Variants in NRXN2 observed in about 807,000 individuals in gnomAD.
NRXN2 encodes the protein neurexin 2.
Under a neutral mutation model 128.8 loss-of-function variants are expected in NRXN2, and 29 were observed. The observed-to-expected ratio is 0.23, with a 90% CI of 0.17 to 0.31. The LOEUF (loss-of-function observed/expected upper bound fraction) is 0.31, where lower values mean the gene tolerates loss of function less well. NRXN2 is among the 10% of genes least tolerant of loss of function. The pLI is 1.00. For missense variants in NRXN2, 1,881 were observed against 2,452.6 expected (o/e 0.77, Z 4.92); for synonymous variants, 1,098 against 1,075.2 (o/e 1.02, Z -0.41).
rs2047415142 is a variant in NRXN2 at position 64,651,194 on chromosome 11, T to C, written c.2918+61A>G. 1.9e-6 allele frequency: 3 copies of C among 1,606,104 alleles called. No individual in the cohort carries two copies. Among genetic ancestry groups the C allele is most frequent in the Admixed American group, 1.7e-5 (1 of 59,986 alleles). ...TCGGCCAGTAGCCAGGAGAGCTGTA[T>C]GTGGTTCAGCAGGGGGAGGGGGCCA... On this transcript the variant is annotated intron_variant, in intron 14 of 22. Transcript: ENST00000265459. This position sits in a 1 kb window ranked among gnomAD's most constrained non-coding sequence, Gnocchi z 5.9.
At position 64,714,159 on chromosome 11, in the gene NRXN2, T is replaced by C. The variant is rs998218980; in HGVS notation, c.-244-216A>G. Among the ~76,000 whole-genome samples the C allele has an allele frequency of 6.6e-6, 1 of 151,970 alleles. No individual in the cohort carries two copies. Among genetic ancestry groups the C allele is most frequent in the African/African-American group, 2.4e-5 (1 of 41,376 alleles). ...GAGATGGCACGCACTAGGGGCAGCA[T>C]TGGTTTGAGATGTGGACAGGGAGAG... On this transcript the variant is annotated intron_variant, in intron 1 of 22. Coordinates refer to ENST00000265459, the MANE Select transcript of NRXN2 (RefSeq NM_015080.4). The surrounding 1 kb of genome is among the most constrained non-coding windows in gnomAD (Gnocchi z 4.5).
intron 1 of NRXN2, among the ~76,000 whole-genome samples, chr11:64,717,411 A>T (rs1175984860): frequency 6.6e-6 from 1 of 152,140 alleles, no homozygotes; most frequent in African/African-American, 2.4e-5. Flanking sequence ...TTCTGTACCC[A>T]GTCAGCTCCC....
Position 64,702,128 on chromosome 11 carries a change from T to TG in NRXN2, c.731-4337dup, listed in dbSNP as rs1455181137. ...GCCAGCCGCCCGTCCGGGAGGTAGG[T>TG]GGGGGGGTCAGCCCCCCACCCGGCC... On this transcript the variant is annotated intron_variant, in intron 2 of 22. Transcript: ENST00000265459. 6.8e-5 allele frequency among the ~76,000 whole-genome samples: 7 copies of TG among 103,546 alleles called. No homozygotes were observed. In the South Asian group the frequency reaches 1.5e-3, roughly 22 times the overall value. The allele number at this position is 103,546 out of a possible 152,430, so 67.9% of individuals were successfully genotyped here. A position where few individuals can be genotyped will look rare whatever the true frequency, so the allele number is the denominator to read the frequency against.
At position 64,622,050 on chromosome 11, in the gene NRXN2, AG is replaced by A. The variant is rs2042425260; in HGVS notation, c.4173+702del. 6.6e-6 allele frequency among the ~76,000 whole-genome samples: 1 copy of A among 152,212 alleles called. No individual in the cohort carries two copies. Among genetic ancestry groups the A allele is most frequent in the Non-Finnish European group, 1.5e-5 (1 of 68,030 alleles). On this transcript the variant is annotated intron_variant, in intron 21 of 22. Coordinates refer to ENST00000265459, the MANE Select transcript of NRXN2 (RefSeq NM_015080.4). The surrounding 1 kb of genome is among the most constrained non-coding windows in gnomAD (Gnocchi z 4.3). Reference sequence around the variant, plus strand: ...GGGACTAGGCTAGCTGGGGCCATCCAGATCAGCAGGTGGGGTGAGCACCAGG... The same window carrying A: ...GGGACTAGGCTAGCTGGGGCCATCCAATCAGCAGGTGGGGTGAGCACCAGG...
At chr11:64,680,155 C>T (rs1206568079) in intron 6 of NRXN2, among the ~76,000 whole-genome samples, 2 of 152,136 alleles carry the variant, frequency 1.3e-5, no homozygotes, top group East Asian at 1.9e-4. Flanking sequence ...AGGAATTCAC[C>T]AGGCAGAAAG....
intron 2 of NRXN2, among the ~76,000 whole-genome samples, chr11:64,709,714 C>T (rs1314715112): frequency 1.3e-5 from 2 of 152,084 alleles, no homozygotes; most frequent in African/African-American, 4.8e-5. Context: ...ATCAAACACC[C>T]ACTAAGTGCC....
intron 20 of NRXN2, among the ~76,000 whole-genome samples, chr11:64,624,860 G>A (rs1803889919): frequency 1.3e-5 from 2 of 152,134 alleles, no homozygotes; most frequent in African/African-American, 4.8e-5. Flanking sequence ...ATAGTCAGGC[G>A]CTAACAATAA....
intron 5 of NRXN2, among the ~76,000 whole-genome samples, chr11:64,689,683 A>G (rs1180458418): frequency 3.9e-5 from 6 of 152,174 alleles, no homozygotes; most frequent in Non-Finnish European, 7.3e-5. Context: ...AAAGTGTGGA[A>G]GTGACCAGGT....
intron 5 of NRXN2, chr11:64,688,240 G>T (rs768359339): frequency 7.2e-6 from 7 of 966,826 alleles, no homozygotes; most frequent in Non-Finnish European, 8.6e-6. Flanking sequence ...GGGGTGGGTG[G>T]CAAAGCTAGC....
Position 64,660,244 on chromosome 11 carries a change from GCCA to G in NRXN2, c.2389+85_2389+87del. On this transcript the variant is annotated intron_variant, in intron 11 of 22. Coordinates refer to ENST00000265459, the MANE Select transcript of NRXN2 (RefSeq NM_015080.4). The surrounding 1 kb of genome is among the most constrained non-coding windows in gnomAD (Gnocchi z 5.2). ...TCTGCTGAGGGCACCTCTTGCTGGT[GCCA>G]CCACCAGCTTCTCCAGACAGAGGCA... 1.4e-6 allele frequency: 2 copies of G among 1,462,772 alleles called. No individual in the cohort carries two copies. The highest frequency in any genetic ancestry group is 2.3e-5 in the South Asian group (2 of 87,650). The allele number at this position is 1,462,772 out of a possible 1,614,324, so 90.6% of individuals were successfully genotyped here.
At chr11:64,629,754 T>C (rs1267028969) in intron 19 of NRXN2, among the ~76,000 whole-genome samples, 1 of 152,200 alleles carries the variant, frequency 6.6e-6, no homozygotes, top group Non-Finnish European at 1.5e-5. Context: ...CAAAGGTTAT[T>C]GAACGCACAT....
chr11:64,664,819 G>A (rs981706155), intron 9 of NRXN2, among the ~76,000 whole-genome samples: 14 of 148,492 alleles, frequency 9.4e-5, no homozygotes, highest in Non-Finnish European at 1.8e-4. Flanking sequence ...GTGAAACCCC[G>A]TCTCCACTAA....
chr11:64,643,112 GC>G, intron 17 of NRXN2: 9 of 984,442 alleles, frequency 9.1e-6, no homozygotes, highest in Non-Finnish European at 1.1e-5. Flanking sequence ...CCGGGGGAGC[GC>G]CCGGGGGAGG....
intron 2 of NRXN2, chr11:64,712,723 C>A: frequency 1.5e-6 from 1 of 656,596 alleles, no homozygotes; most frequent in African/African-American, 1.8e-5. Flanking sequence ...AGGCTGCCCA[C>A]AGGTCGCCGC....
At chr11:64,625,130 A>G (rs1565212418) in intron 20 of NRXN2, among the ~76,000 whole-genome samples, 4 of 152,216 alleles carry the variant, frequency 2.6e-5, no homozygotes, top group Admixed American at 2.0e-4. Flanking sequence ...GCAAAAAGGA[A>G]GGAGGGCCCT....
At chr11:64,665,390 G>A (rs557065165) in intron 9 of NRXN2, among the ~76,000 whole-genome samples, 4 of 152,232 alleles carry the variant, frequency 2.6e-5, no homozygotes, top group African/African-American at 4.8e-5. Context: ...CCAGAGATCG[G>A]TGTTGAGCTA....
At chr11:64,701,956 G>C (rs563408230) in intron 2 of NRXN2, among the ~76,000 whole-genome samples, 2,855 of 145,498 alleles carry the variant, frequency 0.02, 53 homozygotes, top group Non-Finnish European at 0.031. Flanking sequence ...GGGAGGTGGG[G>C]GGGTCAGCCC....
chr11:64,685,530 C>T (rs549114752), intron 6 of NRXN2, 116 bp downstream of exon 6: 307 of 1,378,578 alleles, frequency 2.2e-4, no homozygotes, highest in Non-Finnish European at 2.7e-4. Flanking sequence ...TCTCCAGAAC[C>T]ACACCTCACT....
chr11:64,617,670 G>A (rs2135303771), intron 22 of NRXN2, among the ~76,000 whole-genome samples: 1 of 152,300 alleles, frequency 6.6e-6, no homozygotes, highest in Non-Finnish European at 1.5e-5. Flanking sequence ...CCCCACCTCT[G>A]ACACTGGAGC....
Sources: allele counts gnomAD v4.1 joint callset (sites outside exome capture counted in the v4.1 genomes callset), GRCh38; gene constraint gnomAD v4.1.1; non-coding constraint Gnocchi (gnomAD v3.1); transcripts MANE v1.5; gene names NCBI Gene and HGNC (gene_info 2026-07-23, HGNC 2026-07-21).